NKAIN3: variants seen among roughly 807,000 people sequenced by gnomAD.
The protein encoded by NKAIN3 is sodium/potassium transporting ATPase interacting 3.
A neutral mutation model predicts 30.2 loss-of-function variants in NKAIN3; 25 were observed. The ratio of observed to expected loss-of-function variants is 0.83; its 90% CI spans 0.60 to 1.16. The LOEUF is 1.16. Ranked by LOEUF, NKAIN3 falls within the 50% of genes most tolerant of loss-of-function variation. The pLI is 0.00. For synonymous variants in NKAIN3, 91 were observed against 89.6 expected (o/e 1.02, Z -0.09); for missense variants, 225 against 254.1 (o/e 0.89, Z 0.78).
chr8:62,909,657 G>A (rs1025586446), intron 4 of NKAIN3, among the ~76,000 whole-genome samples: 1 of 151,822 alleles, frequency 6.6e-6, no homozygotes, highest in Non-Finnish European at 1.5e-5. Context: ...TTCTCATGAG[G>A]GCAACATTAT....
intron 4 of NKAIN3, among the ~76,000 whole-genome samples, chr8:62,888,742 C>T (rs1248445348): frequency 6.6e-6 from 1 of 152,140 alleles, no homozygotes; most frequent in South Asian, 2.1e-4. Flanking sequence ...TGTGATTTAG[C>T]TTTTTGCCAT....
intron 1 of NKAIN3, among the ~76,000 whole-genome samples, chr8:62,378,085 G>C (rs1375300855): frequency 6.6e-6 from 1 of 152,166 alleles, no homozygotes; most frequent in African/African-American, 2.4e-5. Context: ...CCAAAATGCT[G>C]ATAGTGATAT....
At chr8:62,369,791 A>G (rs148977050) in intron 1 of NKAIN3, among the ~76,000 whole-genome samples, 189 of 151,748 alleles carry the variant, frequency 1.2e-3, no homozygotes, top group Middle Eastern at 3.4e-3. Context: ...TTGTAACTAT[A>G]CAGTTAACAG....
intron 1 of NKAIN3, among the ~76,000 whole-genome samples, chr8:62,556,075 A>G (rs1274896247): frequency 6.6e-6 from 1 of 152,084 alleles, no homozygotes; most frequent in Non-Finnish European, 1.5e-5. Flanking sequence ...TTTTTCAGAA[A>G]GAAAGTCTGA....
chr8:62,626,649 G>A (rs1346146975), intron 3 of NKAIN3, among the ~76,000 whole-genome samples: 1 of 152,056 alleles, frequency 6.6e-6, no homozygotes, highest in African/African-American at 2.4e-5. Flanking sequence ...TTACTTAGCT[G>A]TGCCTCAGTG....
chr8:62,455,771 A>G (rs1348000607), intron 1 of NKAIN3, among the ~76,000 whole-genome samples: 1 of 152,230 alleles, frequency 6.6e-6, no homozygotes, highest in Non-Finnish European at 1.5e-5. Flanking sequence ...ACACACAAAA[A>G]TAAAATTGCA....
At chr8:62,378,424 A>G (rs2129593795) in intron 1 of NKAIN3, among the ~76,000 whole-genome samples, 1 of 152,346 alleles carries the variant, frequency 6.6e-6, no homozygotes, top group African/African-American at 2.4e-5. Flanking sequence ...AAATGCTAAT[A>G]CCAAGACTAG....
rs147855505 is a variant in NKAIN3, at chr8:62,550,556, C to T, written c.55-28983C>T. On this transcript the variant is annotated intron_variant, in intron 1 of 6. Transcript: ENST00000623646. ...GAGACATTCTCTATGAACAATGAGA[C>T]GCAGTTACATTAAACAGTGTTTATC... Among the ~76,000 whole-genome samples the T allele has an allele frequency of 3.0e-3, 461 of 152,230 alleles. 3 individuals are homozygous for T. The highest frequency in any genetic ancestry group is 1.9e-3 in the Non-Finnish European group (129 of 68,022).
chr8:62,719,896 A>G (rs1815034388), intron 3 of NKAIN3, among the ~76,000 whole-genome samples: 1 of 151,480 alleles, frequency 6.6e-6, no homozygotes, highest in Non-Finnish European at 1.5e-5. Context: ...AGCTGGGACT[A>G]CAGGCTCTCG....
chr8:62,274,734 A>G (rs1443083739), intron 1 of NKAIN3, among the ~76,000 whole-genome samples: 4 of 151,606 alleles, frequency 2.6e-5, no homozygotes, highest in African/African-American at 9.7e-5. Flanking sequence ...TCCTAATGCT[A>G]TCCCTCCCCC....
intron 6 of NKAIN3, among the ~76,000 whole-genome samples, chr8:62,956,835 A>G (rs1227401556): frequency 6.6e-6 from 1 of 152,216 alleles, no homozygotes; most frequent in Non-Finnish European, 1.5e-5. Context: ...AGATCTACAT[A>G]GAAAGGGTAG....
chr8:62,804,060 C>T (rs867480875), intron 4 of NKAIN3, among the ~76,000 whole-genome samples: 1 of 152,066 alleles, frequency 6.6e-6, no homozygotes, highest in Non-Finnish European at 1.5e-5. Flanking sequence ...CAAGATTAAC[C>T]AGGAAGAAGT....
chr8:62,459,059 G>GAA (rs11373955), intron 1 of NKAIN3, among the ~76,000 whole-genome samples: 13,293 of 143,590 alleles, frequency 0.093, 765 homozygotes, highest in African/African-American at 0.15. Flanking sequence ...TGTTGTCAGA[G>GAA]AAAAAAAAAA....
chr8:62,812,610 T>C (rs956024233), intron 4 of NKAIN3, among the ~76,000 whole-genome samples: 2 of 151,870 alleles, frequency 1.3e-5, no homozygotes, highest in African/African-American at 4.8e-5. Context: ...AGGAGAGTTT[T>C]TTTTTAATTC....
At position 62,996,043 on chromosome 8, in the gene NKAIN3, A is replaced by AC. The variant is rs1364481563; in HGVS notation, c.533-3186dup. 3.9e-5 allele frequency among the ~76,000 whole-genome samples: 6 copies of AC among 152,314 alleles called. No homozygotes were observed. In the East Asian group the frequency reaches 1.2e-3, roughly 29 times the overall value. On this transcript the variant is annotated intron_variant, in intron 5 of 5. Coordinates refer to the NKAIN3 transcript ENST00000519049. ...TCTATTTAACATGATAACTAGGTTG[A>AC]CCTATGTTGTAAATATTCCCATTGA...
At chr8:62,775,727 T>C (rs1563556328) in intron 4 of NKAIN3, among the ~76,000 whole-genome samples, 1 of 152,076 alleles carries the variant, frequency 6.6e-6, no homozygotes, top group African/African-American at 2.4e-5. Flanking sequence ...CCTCTTGTTA[T>C]TGATTTCTAG....
chr8:62,555,008 C>CTG (rs1809338747), intron 1 of NKAIN3, among the ~76,000 whole-genome samples: 1 of 107,132 alleles, frequency 9.3e-6, no homozygotes, highest in Non-Finnish European at 2.0e-5. Flanking sequence ...ATGGCAGAAT[C>CTG]TATACACACA....
chr8:62,789,451 T>G (rs1252986934), intron 4 of NKAIN3, among the ~76,000 whole-genome samples: 1 of 152,148 alleles, frequency 6.6e-6, no homozygotes, highest in Non-Finnish European at 1.5e-5. Context: ...AATGGGGTTT[T>G]CTAGATATAC....
At chr8:62,945,942 A>C (rs1282814498) in intron 5 of NKAIN3, among the ~76,000 whole-genome samples, 1 of 152,186 alleles carries the variant, frequency 6.6e-6, no homozygotes, top group Non-Finnish European at 1.5e-5. Flanking sequence ...CATTTTGCAT[A>C]GTATTGCTGA....
Sources: gnomAD v4.1 joint callset for allele counts (sites outside exome capture counted in the v4.1 genomes callset) on GRCh38, gnomAD v4.1.1 for gene constraint, MANE v1.5 for transcripts, NCBI Gene and HGNC (gene_info 2026-07-23, HGNC 2026-07-21) for gene names.